The following APBB2 variants were observed in gnomAD, a reference collection of about 807,000 sequenced individuals.
The protein encoded by APBB2 is amyloid beta precursor protein binding family B member 2, also known as Fe65-like 1.
Under a neutral mutation model 82.5 loss-of-function variants are expected in APBB2, and 38 were observed. The ratio of observed to expected loss-of-function variants is 0.46; its 90% CI spans 0.36 to 0.60. The LOEUF is 0.60. Among genes scored for constraint, APBB2 ranks in the 20% least tolerant of loss-of-function variants. The probability of loss-of-function intolerance (pLI) is 0.00; values close to 1 mark genes in which losing one functional copy is unlikely to be tolerated. For missense variants in APBB2, 772 were observed against 972.3 expected, an observed-to-expected ratio of 0.79 and a Z score of 2.74; for synonymous variants, 341 against 368.2, an observed-to-expected ratio of 0.93 and a Z score of 0.85.
intron 10 of APBB2, among the ~76,000 whole-genome samples, chr4:40,897,649 T>G (rs1178104428): frequency 2.0e-5 from 3 of 152,180 alleles, no homozygotes; most frequent in African/African-American, 7.2e-5. Context: ...TCTGAAGAGT[T>G]TCACCCCATT....
At chr4:41,191,881 T>C (rs1443264968) in intron 1 of APBB2, among the ~76,000 whole-genome samples, 1 of 152,150 alleles carries the variant, frequency 6.6e-6, no homozygotes, top group Non-Finnish European at 1.5e-5. Context: ...ACCATATACC[T>C]AATATGGCGG....
At chr4:41,037,767 C>G (rs1210766805) in intron 4 of APBB2, among the ~76,000 whole-genome samples, 2 of 152,068 alleles carry the variant, frequency 1.3e-5, no homozygotes, top group African/African-American at 4.8e-5. Context: ...TACCTGTAAC[C>G]CCAGCACTTT....
chr4:41,096,142 A>G (rs113499669), intron 3 of APBB2, among the ~76,000 whole-genome samples: 6 of 152,330 alleles, frequency 3.9e-5, no homozygotes, highest in African/African-American at 1.4e-4. Flanking sequence ...TGCAGTGAAC[A>G]TACTTCCTGA....
chr4:41,123,665 A>G (rs1016171970), intron 2 of APBB2, among the ~76,000 whole-genome samples: 1 of 152,172 alleles, frequency 6.6e-6, no homozygotes, highest in African/African-American at 2.4e-5. Context: ...TCTACTAAAA[A>G]TACAAAAATT....
chr4:40,936,990 T>A (rs1299454291), intron 7 of APBB2, among the ~76,000 whole-genome samples: 1 of 152,190 alleles, frequency 6.6e-6, no homozygotes, highest in Non-Finnish European at 1.5e-5. Flanking sequence ...TGGACCACTG[T>A]AGGGCTACTA....
In APBB2 at chr4:40,954,031, C is replaced by G. The variant is rs183233913; in HGVS notation, c.836-8958G>C. ...CCCATCTGTGAGCAGCAAGGACCGGCTCCTTCCAGCCACCTCAGGCGCCAG... is the reference window on the plus strand; with the variant it reads ...CCCATCTGTGAGCAGCAAGGACCGGGTCCTTCCAGCCACCTCAGGCGCCAG... On this transcript the variant is annotated intron_variant, in intron 6 of 17. Transcript: ENST00000508593. Among the ~76,000 whole-genome samples, 349 of 152,292 alleles carry G rather than the reference C, an allele frequency of 2.3e-3. 1 individual carries two copies. Among genetic ancestry groups the G allele is most frequent in the African/African-American group, 7.6e-3 (317 of 41,562 alleles).
At chr4:40,982,404 A>AGGAAAGGAAAG (rs71198620) in intron 6 of APBB2, among the ~76,000 whole-genome samples, 14 of 80,532 alleles carry the variant, frequency 1.7e-4, no homozygotes, top group African/African-American at 7.6e-4. Flanking sequence ...AGGAAAGGAA[A>AGGAAAGGAAAG]GAAAGAAAGA....
At chr4:41,045,731 T>C (rs1723161479) in intron 4 of APBB2, among the ~76,000 whole-genome samples, 3 of 152,352 alleles carry the variant, frequency 2.0e-5, no homozygotes, top group South Asian at 4.1e-4. Flanking sequence ...GTCTTATTTA[T>C]ATAATTTCTA....
In APBB2 at chr4:40,862,719, C is replaced by T. The variant is rs6447490; in HGVS notation, c.1529+27645G>A. Among the ~76,000 whole-genome samples the T allele has an allele frequency of 6.8e-3, 1,031 of 152,168 alleles. 13 individuals are homozygous for T. The highest frequency in any genetic ancestry group is 0.021 in the African/African-American group (856 of 41,524). ...ACTAAAACTACAAAAATTAGCCAGGCGTGGTGGCAGGCACCTACAATCCCA... is the reference window on the plus strand; with the variant it reads ...ACTAAAACTACAAAAATTAGCCAGGTGTGGTGGCAGGCACCTACAATCCCA... On this transcript the variant is annotated intron_variant, in intron 12 of 17. Transcript: ENST00000508593.
intron 6 of APBB2, among the ~76,000 whole-genome samples, chr4:40,978,778 T>G (rs2154401975): frequency 6.6e-6 from 1 of 152,292 alleles, no homozygotes; most frequent in South Asian, 2.1e-4. Context: ...CAAAAGCTCA[T>G]TTTCTCCAAG....
rs537127585 is a variant in APBB2, at chr4:41,117,302, T to A, written c.-260-16552A>T. 7.5e-3 allele frequency among the ~76,000 whole-genome samples: 1,124 copies of A among 149,272 alleles called. 17 individuals carry two copies. Among genetic ancestry groups the A allele is most frequent in the African/African-American group, 0.026 (1,048 of 40,866 alleles). ...GTTGTTATTATTATTATTATTTTTT[T>A]TTTTTTTTGAGATGGAGTCTCACTC... On this transcript the variant is annotated intron_variant, in intron 2 of 17. Coordinates refer to ENST00000508593, the MANE Select transcript of APBB2 (RefSeq NM_004307.2).
intron 1 of APBB2, among the ~76,000 whole-genome samples, chr4:41,160,061 G>A (rs767984138): frequency 2.0e-5 from 3 of 150,236 alleles, no homozygotes; most frequent in Admixed American, 1.3e-4. Context: ...GCTGTTTTGC[G>A]GATACTGGAG....
At position 40,890,453 on chromosome 4, in the gene APBB2, G is replaced by A. The variant is rs370297794; in HGVS notation, c.1440C>T (p.Leu480=). The A allele has an allele frequency of 9.6e-5, 155 of 1,614,018 alleles. No individual in the cohort carries two copies. The highest frequency in any genetic ancestry group is 1.1e-4 in the Non-Finnish European group (134 of 1,180,034). ...TGCGGTCCATGGGGTCCACCAGGCT[G>A]AGCATGTCATTCTCCAGGATCAGGT... is the stretch of plus-strand genomic sequence containing the variant. ...DMYLILENDM[L]SLVDPMDRSV... is the part of the protein sequence containing the mutation. Residue 480 remains leucine (L), a synonymous_variant, in exon 12 of 18, where the codon CTC becomes CTT. Coordinates refer to ENST00000508593, the MANE Select transcript of APBB2 (RefSeq NM_004307.2).
chr4:41,155,088 G>A (rs1763136763), intron 1 of APBB2, among the ~76,000 whole-genome samples: 1 of 152,212 alleles, frequency 6.6e-6, no homozygotes, highest in East Asian at 1.9e-4. Context: ...CATCATTAAA[G>A]TTTATTTTTA....
intron 1 of APBB2, among the ~76,000 whole-genome samples, chr4:41,195,346 G>A: frequency 6.6e-6 from 1 of 152,136 alleles, no homozygotes; most frequent in Non-Finnish European, 1.5e-5. Flanking sequence ...AAGATCCTCA[G>A]AATTGTCCTT....
At chr4:41,135,532 G>A (rs1022057107) in intron 2 of APBB2, among the ~76,000 whole-genome samples, 1 of 152,136 alleles carries the variant, frequency 6.6e-6, no homozygotes, top group Non-Finnish European at 1.5e-5. Flanking sequence ...CATGCGTATA[G>A]ATCTTATTTG....
At chr4:40,852,262 A>AG (rs1044472013) in intron 12 of APBB2, among the ~76,000 whole-genome samples, 20 of 151,554 alleles carry the variant, frequency 1.3e-4, no homozygotes, top group African/African-American at 4.6e-4. Context: ...GAGGCAGGAG[A>AG]ATCGCTTGAA....
intron 7 of APBB2, among the ~76,000 whole-genome samples, chr4:40,940,935 A>G (rs1786730467): frequency 6.6e-6 from 1 of 152,232 alleles, no homozygotes; most frequent in African/African-American, 2.4e-5. Context: ...CCACGTGCTA[A>G]ATTTCAGCAG....
Position 41,014,358 on chromosome 4 carries a change from G to A in APBB2, c.60C>T (p.Ser20=). The change falls in exon 6 of 18, where the codon AGC becomes AGT. Residue 20 remains serine, a synonymous_variant. Transcript: ENST00000508593. The part of the protein sequence containing the change: ...GVDTLAVFMA[S]SGTTDVTNRN... Reference sequence around the variant, plus strand: ...GATTTGTGACGTCTGTAGTTCCGCTGCTGGCCATAAACACTGCCAAGGTGT... The same window carrying A: ...GATTTGTGACGTCTGTAGTTCCGCTACTGGCCATAAACACTGCCAAGGTGT... 2 of 1,614,106 alleles carry A rather than the reference G, an allele frequency of 1.2e-6. No homozygotes were observed. Among genetic ancestry groups the A allele is most frequent in the East Asian group, 4.5e-5 (2 of 44,880 alleles).
Sources: gnomAD v4.1 joint callset for allele counts (sites outside exome capture counted in the v4.1 genomes callset) on GRCh38, gnomAD v4.1.1 for gene constraint, MANE v1.5 for transcripts, NCBI Gene and HGNC (gene_info 2026-07-23, HGNC 2026-07-21) for gene names.